BRD7: variants seen among roughly 807,000 people sequenced by gnomAD.
The protein encoded by BRD7 is bromodomain containing 7.
A neutral mutation model predicts 82.1 loss-of-function variants in BRD7; 15 were observed. The ratio of observed to expected loss-of-function variants is 0.18; its 90% CI spans 0.12 to 0.28. BRD7 has a LOEUF of 0.28. Ranked by LOEUF, BRD7 falls within the 10% of genes least tolerant of loss-of-function variation. The pLI, the probability that BRD7 is intolerant of heterozygous loss-of-function variation, is 1.00. For missense variants in BRD7, 638 were observed against 779.9 expected (o/e 0.82, Z 2.17); for synonymous variants, 232 against 266.9 (o/e 0.87, Z 1.27).
intron 2 of BRD7, among the ~76,000 whole-genome samples, chr16:50,361,349 A>T (rs1400775076): frequency 6.6e-6 from 1 of 152,216 alleles, no homozygotes; most frequent in Non-Finnish European, 1.5e-5. Context: ...TTTGAGTAAA[A>T]AAATTTTTTT....
intron 2 of BRD7, among the ~76,000 whole-genome samples, chr16:50,366,108 G>C (rs1165171230): frequency 6.6e-6 from 1 of 152,206 alleles, no homozygotes; most frequent in Non-Finnish European, 1.5e-5. Context: ...GCCTTCAAAA[G>C]TCTGAAAGAA....
At chr16:50,319,821 C>G (rs528418732) in intron 16 of BRD7, 66 bp downstream of exon 16, 1 of 1,547,598 alleles carries the variant, frequency 6.5e-7, no homozygotes, top group Admixed American at 2.0e-5. Context: ...CAATCTCGGG[C>G]AGACACTGAG....
chr16:50,355,960 T>C (rs2038714322), intron 2 of BRD7, among the ~76,000 whole-genome samples: 2 of 152,292 alleles, frequency 1.3e-5, no homozygotes, highest in Middle Eastern at 3.4e-3. Context: ...AGAGCATCTA[T>C]AAATCTATGC....
Position 50,368,805 on chromosome 16 carries a change from C to T in BRD7, c.-31G>A. On this transcript the variant is annotated 5_prime_UTR_variant, in exon 1 of 17. Coordinates refer to ENST00000394688, the MANE Select transcript of BRD7 (RefSeq NM_013263.5). ...ACCGGGCCCCGGTGCCCGCCCCCCG[C>T]GCCAGGCCCAGGCCGTGCGGCGCCG... is the stretch of plus-strand genomic sequence containing the variant. The T allele has an allele frequency of 6.6e-7, 1 of 1,510,852 alleles. No homozygotes were observed. The highest frequency in any genetic ancestry group is 1.2e-5 in the South Asian group (1 of 84,240). The allele number at this position is 1,510,852 out of a possible 1,614,324, so 93.6% of individuals were successfully genotyped here.
intron 5 of BRD7, among the ~76,000 whole-genome samples, chr16:50,347,290 C>T (rs1187036871): frequency 6.6e-6 from 1 of 152,168 alleles, no homozygotes; most frequent in Non-Finnish European, 1.5e-5. Context: ...TATGACAAAA[C>T]CACAGCCAAT....
chr16:50,325,862 G>C lies in BRD7; in HGVS notation c.1217C>G (p.Pro406Arg). ...ATAATGCGGTGCATAAGAACTGTAG[G>C]GCCCATAATTCAAATATAACACTGT... ...VTPVLYLNYG[P>R]YSSYAPHYDS... The change falls in exon 11 of 17, where the codon CCC becomes CGC. Residue 406 changes from proline (P) to arginine (R), a missense_variant. By Grantham distance (103) the Pro-to-Arg change is moderately radical (BLOSUM62 -2). Transcript: ENST00000394688. 1 of 1,600,586 alleles carries C rather than the reference G, an allele frequency of 6.2e-7. No homozygotes were observed. Among genetic ancestry groups the C allele is most frequent in the Non-Finnish European group, 8.5e-7 (1 of 1,176,632 alleles).
chr16:50,365,418 C>T (rs2039104293), intron 2 of BRD7, among the ~76,000 whole-genome samples: 1 of 152,190 alleles, frequency 6.6e-6, no homozygotes, highest in Admixed American at 6.5e-5. Context: ...CAAACTCTGT[C>T]TAGGTACAAA....
At chr16:50,341,380 C>T (rs182946723) in intron 5 of BRD7, among the ~76,000 whole-genome samples, 7 of 152,212 alleles carry the variant, frequency 4.6e-5, no homozygotes, top group Admixed American at 4.6e-4. Context: ...GTGGCTCACC[C>T]TTATAATTCT....
chr16:50,354,607 T>C, intron 3 of BRD7, 125 bp from the exon 4 acceptor site: 4 of 1,197,090 alleles, frequency 3.3e-6, no homozygotes, highest in Admixed American at 2.4e-5. Flanking sequence ...ATCTTAAAAA[T>C]ATATTGAAGT....
intron 5 of BRD7, among the ~76,000 whole-genome samples, chr16:50,340,377 T>C (rs2037996007): frequency 6.6e-6 from 1 of 152,212 alleles, no homozygotes; most frequent in African/African-American, 2.4e-5. Flanking sequence ...TTCTTCAGTA[T>C]AATCTTACTG....
rs564455985 is a variant in BRD7, at chr16:50,331,680, G to A, written c.1011+1894C>T. ...TTGTGCCACTGCACACTCCAGCCTG[G>A]GCGACAGAGTGACACCCTGTCTCAA... On this transcript the variant is annotated intron_variant, in intron 8 of 16. Coordinates refer to ENST00000394688, the MANE Select transcript of BRD7 (RefSeq NM_013263.5). Among the ~76,000 whole-genome samples, 4 of 152,280 alleles carry A rather than the reference G, an allele frequency of 2.6e-5. No individual in the cohort carries two copies. In the East Asian group the frequency reaches 7.7e-4, roughly 29 times the overall value.
chr16:50,325,837 A>G lies in BRD7; in HGVS notation c.1242T>C (p.Tyr414=), dbSNP rs1388879202. The G allele has an allele frequency of 2.1e-5, 34 of 1,612,472 alleles. No homozygotes were observed. In the Admixed American group the frequency reaches 5.6e-4, roughly 26 times the overall value. Residue 414 remains tyrosine (Y), a synonymous_variant, in exon 11 of 17, where the codon TAT becomes TAC. Coordinates refer to ENST00000394688, the MANE Select transcript of BRD7 (RefSeq NM_013263.5). ...TGCTGATATTTGCAAATGTGGAGTC[A>G]TAATGCGGTGCATAAGAACTGTAGG... ...YGPYSSYAPH[Y]DSTFANISKD...
chr16:50,323,550 T>G, intron 12 of BRD7, 37 bp downstream of exon 12: 1 of 1,421,830 alleles, frequency 7.0e-7, no homozygotes, highest in Non-Finnish European at 9.9e-7. Flanking sequence ...TGAGAGTCGA[T>G]AATAAATTAC....
chr16:50,338,023 A>G (rs981647237), intron 6 of BRD7, among the ~76,000 whole-genome samples: 9 of 152,218 alleles, frequency 5.9e-5, no homozygotes, highest in African/African-American at 2.2e-4. Flanking sequence ...TATTAACTAC[A>G]TTACTTAAGG....
At position 50,350,004 on chromosome 16, in the gene BRD7, T is replaced by C. The variant is rs778835387; in HGVS notation, c.591+19A>G. 1.5e-5 allele frequency: 23 copies of C among 1,541,534 alleles called. No homozygotes were observed. The highest frequency in any genetic ancestry group is 4.7e-5 in the East Asian group (2 of 42,588). ...CAGATTTCTACCAAGATTTTGTGTA[T>C]ATAGGATTGAAGAGTTACCTTTAGT... On this transcript the variant is annotated intron_variant, in intron 5 of 16. Transcript: ENST00000394688.
intron 9 of BRD7, 88 bp downstream of exon 9, chr16:50,328,581 T>A (rs1359974613): frequency 4.4e-6 from 5 of 1,138,498 alleles, no homozygotes; most frequent in Non-Finnish European, 6.4e-6. Context: ...TGATCAATAT[T>A]CAAGCTTGTT....
At chr16:50,365,158 G>T (rs2884046) in intron 2 of BRD7, among the ~76,000 whole-genome samples, 3 of 141,420 alleles carry the variant, frequency 2.1e-5, no homozygotes, top group African/African-American at 8.6e-5. Flanking sequence ...TCCAAATCTC[G>T]AGACGAGCCA....
At chr16:50,344,611 G>A (rs968483873) in intron 5 of BRD7, among the ~76,000 whole-genome samples, 1 of 152,174 alleles carries the variant, frequency 6.6e-6, no homozygotes, top group Non-Finnish European at 1.5e-5. Context: ...CGAGGACTAC[G>A]TGATGCATGC....
intron 6 of BRD7, among the ~76,000 whole-genome samples, chr16:50,337,418 G>A (rs899311998): frequency 4.0e-5 from 6 of 151,586 alleles, no homozygotes; most frequent in Admixed American, 2.6e-4. Context: ...GCACCACCAC[G>A]CCCAACTAAT....
Sources: gnomAD v4.1 joint callset for allele counts (sites outside exome capture counted in the v4.1 genomes callset) on GRCh38, gnomAD v4.1.1 for gene constraint, MANE v1.5 for transcripts, NCBI Gene and HGNC (gene_info 2026-07-23, HGNC 2026-07-21) for gene names.